SGCD: variants seen among roughly 807,000 people sequenced by gnomAD.
SGCD encodes the protein delta-sarcoglycan.
A neutral mutation model predicts 36.6 loss-of-function variants in SGCD; 18 were observed. That is an observed-to-expected ratio of 0.49 (90% CI 0.34 to 0.73). The LOEUF is 0.73. SGCD is among the 30% of genes least tolerant of loss of function. The pLI, the probability that SGCD is intolerant of heterozygous loss-of-function variation, is 0.01. For missense variants in SGCD, 387 were observed against 346.7 expected, an observed-to-expected ratio of 1.12 and a Z score of -0.92; for synonymous variants, 133 against 130.6, an observed-to-expected ratio of 1.02 and a Z score of -0.12.
At chr5:155,943,667 T>G (rs2113415494) in intron 1 of SGCD, among the ~76,000 whole-genome samples, 1 of 152,316 alleles carries the variant, frequency 6.6e-6, no homozygotes, top group African/African-American at 2.4e-5. Flanking sequence ...CCCCTTAATG[T>G]CAGTAACAAA....
intron 3 of SGCD, among the ~76,000 whole-genome samples, chr5:156,386,626 G>C (rs1046091256): frequency 3.9e-5 from 6 of 152,258 alleles, no homozygotes; most frequent in African/African-American, 1.4e-4. Flanking sequence ...TTAATGAAAT[G>C]AAGGATGTGG....
chr5:155,896,660 C>A, intron 1 of SGCD, among the ~76,000 whole-genome samples: 2 of 149,744 alleles, frequency 1.3e-5, no homozygotes, highest in Admixed American at 6.7e-5. Flanking sequence ...AAAAAAAAGA[C>A]AATAATAACA....
At chr5:156,287,847 T>A (rs1766651978) in intron 3 of SGCD, among the ~76,000 whole-genome samples, 1 of 152,014 alleles carries the variant, frequency 6.6e-6, no homozygotes, top group Non-Finnish European at 1.5e-5. Context: ...TGCAGTGAGC[T>A]AGGATCACAT....
intron 3 of SGCD, among the ~76,000 whole-genome samples, chr5:156,170,505 T>A (rs1251754241): frequency 2.0e-5 from 3 of 152,162 alleles, no homozygotes; most frequent in African/African-American, 7.2e-5. Flanking sequence ...AAGAATGGGA[T>A]GACAAAAAGA....
intron 6 of SGCD, among the ~76,000 whole-genome samples, chr5:156,627,254 A>G (rs1221858108): frequency 6.6e-6 from 1 of 152,136 alleles, no homozygotes; most frequent in Non-Finnish European, 1.5e-5. Context: ...CCTGAGTTAG[A>G]AGGTTCAGAA....
At chr5:156,634,518 A>G (rs1391199768) in intron 6 of SGCD, among the ~76,000 whole-genome samples, 1 of 152,190 alleles carries the variant, frequency 6.6e-6, no homozygotes, top group African/African-American at 2.4e-5. Context: ...GAGAAGCCAG[A>G]CCCAGAACTC....
intron 3 of SGCD, among the ~76,000 whole-genome samples, chr5:156,480,604 C>T (rs1755382987): frequency 6.6e-6 from 1 of 152,148 alleles, no homozygotes; most frequent in Non-Finnish European, 1.5e-5. Flanking sequence ...GGCTGCTACC[C>T]CAGATGGCAC....
intron 3 of SGCD, among the ~76,000 whole-genome samples, chr5:156,249,487 T>C (rs959623974): frequency 6.6e-6 from 1 of 152,198 alleles, no homozygotes; most frequent in Non-Finnish European, 1.5e-5. Context: ...GTGTTGAGCA[T>C]ATTCCTGGGA....
intron 3 of SGCD, among the ~76,000 whole-genome samples, chr5:156,491,678 C>T (rs1434238697): frequency 1.3e-5 from 2 of 151,978 alleles, no homozygotes; most frequent in African/African-American, 4.8e-5. Context: ...AGCATGTAGA[C>T]TACAAACCTA....
chr5:156,138,305 G>T (rs557876519), intron 3 of SGCD, among the ~76,000 whole-genome samples: 1 of 152,192 alleles, frequency 6.6e-6, no homozygotes, highest in African/African-American at 2.4e-5. Context: ...GGAGGCTGGG[G>T]CAGGAGAATC....
intron 1 of SGCD, among the ~76,000 whole-genome samples, chr5:156,094,153 G>C (rs777896737): frequency 1.8e-4 from 28 of 152,294 alleles, no homozygotes; most frequent in South Asian, 2.1e-4. Context: ...ACATTGGCCA[G>C]GGGGAGAGGC....
chr5:156,247,858 TA>T (rs1765477716), intron 3 of SGCD, among the ~76,000 whole-genome samples: 1 of 152,208 alleles, frequency 6.6e-6, no homozygotes, highest in Non-Finnish European at 1.5e-5. Context: ...TGTGTTGCAA[TA>T]AGCCTTTGGG....
intron 1 of SGCD, among the ~76,000 whole-genome samples, chr5:155,936,918 G>T (rs1757216935): frequency 6.6e-6 from 1 of 152,162 alleles, no homozygotes; most frequent in Non-Finnish European, 1.5e-5. Context: ...TGCCATGTCA[G>T]CACGGCCCCG....
chr5:156,231,904 G>A (rs1765030066), intron 3 of SGCD, among the ~76,000 whole-genome samples: 1 of 152,122 alleles, frequency 6.6e-6, no homozygotes. Flanking sequence ...CCTGCCCTTG[G>A]TTGTGTCTGA....
intron 6 of SGCD, among the ~76,000 whole-genome samples, chr5:156,608,332 G>T (rs929208534): frequency 3.3e-5 from 5 of 152,222 alleles, no homozygotes; most frequent in Non-Finnish European, 5.9e-5. Flanking sequence ...AGGTTGTTCA[G>T]TTTCCATGTA....
At chr5:156,478,257 C>G (rs981900309) in intron 3 of SGCD, among the ~76,000 whole-genome samples, 1 of 152,150 alleles carries the variant, frequency 6.6e-6, no homozygotes, top group Non-Finnish European at 1.5e-5. Flanking sequence ...ATCAGAAATT[C>G]GAGTGGGCTC....
chr5:156,072,003 T>G, intron 1 of SGCD, among the ~76,000 whole-genome samples: 1 of 152,226 alleles, frequency 6.6e-6, no homozygotes. Context: ...CTCCATCCTT[T>G]TATTTTGTGC....
At chr5:155,814,205 G>T in the SGCD span, among the ~76,000 whole-genome samples, 1 of 152,152 alleles carries the variant, frequency 6.6e-6, no homozygotes, top group African/African-American at 2.4e-5. Flanking sequence ...CGTGGCTCTT[G>T]TTTCTAACAT....
intron 3 of SGCD, among the ~76,000 whole-genome samples, chr5:156,142,232 C>T (rs746308460): frequency 7.2e-5 from 11 of 152,196 alleles, no homozygotes; most frequent in Non-Finnish European, 1.5e-4. Context: ...CCTGGGGCCT[C>T]CCCGGAAGCA....
Sources: gnomAD v4.1 joint callset for allele counts (sites outside exome capture counted in the v4.1 genomes callset) on GRCh38, gnomAD v4.1.1 for gene constraint, MANE v1.5 for transcripts, NCBI Gene and HGNC (gene_info 2026-07-23, HGNC 2026-07-21) for gene names.